TTLL11: variants seen among roughly 807,000 people sequenced by gnomAD.
TTLL11 encodes tubulin polyglutamylase TTLL11.
In TTLL11, 42 loss-of-function variants were observed where a neutral mutation model predicts 51.7. The observed-to-expected ratio is 0.81, with a 90% CI of 0.64 to 1.05. The LOEUF (loss-of-function observed/expected upper bound fraction) is 1.05, where lower values mean the gene tolerates loss of function less well. TTLL11 is among the 50% of genes least tolerant of loss of function. The probability of loss-of-function intolerance (pLI) is 0.00; values close to 1 mark genes in which losing one functional copy is unlikely to be tolerated. For synonymous variants in TTLL11, 381 were observed against 383.5 expected, an observed-to-expected ratio of 0.99 and a Z score of 0.08; for missense variants, 799 against 940.4, an observed-to-expected ratio of 0.85 and a Z score of 1.97.
At chr9:121,945,423 A>C (rs866713338) in intron 6 of TTLL11, among the ~76,000 whole-genome samples, 2 of 152,192 alleles carry the variant, frequency 1.3e-5, no homozygotes, top group Non-Finnish European at 2.9e-5. Flanking sequence ...GCTCGGAAGG[A>C]AGAGTGATTT....
chr9:122,056,122 G>A (rs1845285709), intron 1 of TTLL11, among the ~76,000 whole-genome samples: 1 of 152,164 alleles, frequency 6.6e-6, no homozygotes, highest in Admixed American at 6.5e-5. Flanking sequence ...ATGCACTGCT[G>A]CCAAAATAAC....
chr9:122,022,139 G>A (rs2131782697), intron 3 of TTLL11, among the ~76,000 whole-genome samples: 1 of 152,054 alleles, frequency 6.6e-6, no homozygotes. Flanking sequence ...TGAACTGTGG[G>A]ACAACTTCAG....
At chr9:122,090,695 C>T (rs761586983) in intron 1 of TTLL11, among the ~76,000 whole-genome samples, 7 of 152,198 alleles carry the variant, frequency 4.6e-5, no homozygotes, top group African/African-American at 7.2e-5. Context: ...CAAGTACCTG[C>T]GGGTACAGCA....
Position 121,870,556 on chromosome 9 carries a change from C to A in TTLL11, c.1674G>T (p.Arg558=), listed in dbSNP as rs1375348093. The part of the protein sequence containing the change: ...LVDRMANLFI[R]FLGIKGTMKL... ...TCATTGTCCCCTTGATGCCCAGGAA[C>A]CGGATAAACAAATTTGCCATCCTGT... is the stretch of plus-strand genomic sequence containing the variant. The change falls in exon 7 of 9, where the codon CGG becomes CGT. Residue 558 remains arginine (R), a synonymous_variant. Transcript: ENST00000321582. 18 of 1,551,674 alleles carry A rather than the reference C, an allele frequency of 1.2e-5. No homozygotes were observed. Among genetic ancestry groups the A allele is most frequent in the Non-Finnish European group, 1.6e-5 (18 of 1,146,990 alleles).
rs143607167 is a variant in TTLL11 at position 122,035,806 on chromosome 9, G to A, written c.559+3466C>T. On this transcript the variant is annotated intron_variant, in intron 2 of 8. Coordinates refer to ENST00000321582, the MANE Select transcript of TTLL11 (RefSeq NM_001139442.2). ...GCAAGCTGACCCGTGTCACTGTCTG[G>A]CTTAAAAATTCCTCAGTGGCTCCCT... Among the ~76,000 whole-genome samples, 777 of 152,250 alleles carry A rather than the reference G, an allele frequency of 5.1e-3. 8 individuals are homozygous for A. Among genetic ancestry groups the A allele is most frequent in the African/African-American group, 0.016 (676 of 41,552 alleles).
chr9:122,055,931 GGA>G (rs753263349), intron 1 of TTLL11, among the ~76,000 whole-genome samples: 6 of 152,266 alleles, frequency 3.9e-5, no homozygotes, highest in Non-Finnish European at 8.8e-5. Flanking sequence ...CGAGAAGCCA[GGA>G]GCCCAAGTTG....
At position 121,820,925 on chromosome 9, in the gene TTLL11, G is replaced by C. The variant is rs1342031046; in HGVS notation, c.*1662C>G. Among the ~76,000 whole-genome samples, 1 of 147,050 alleles carries C rather than the reference G, an allele frequency of 6.8e-6. No individual in the cohort carries two copies. The highest frequency in any genetic ancestry group is 2.5e-5 in the African/African-American group (1 of 39,626). On this transcript the variant is annotated 3_prime_UTR_variant, in exon 9 of 9. Transcript: ENST00000321582. ...GCTGGGGAAGGGCAGCGGCCTTTGG[G>C]CTCTGCTAGCAGCAGGGAAGGGGTG... is the stretch of plus-strand genomic sequence containing the variant.
intron 6 of TTLL11, among the ~76,000 whole-genome samples, chr9:121,927,001 TA>T (rs1277289904): frequency 1.3e-5 from 2 of 152,156 alleles, no homozygotes; most frequent in African/African-American, 4.8e-5. Context: ...GGGCCCCTTT[TA>T]TAAAGGCATG....
At chr9:122,030,313 G>T (rs1404997658) in intron 3 of TTLL11, among the ~76,000 whole-genome samples, 1 of 151,542 alleles carries the variant, frequency 6.6e-6, no homozygotes, top group South Asian at 2.1e-4. Context: ...TTAATAGTTC[G>T]ATGAATTTTA....
At chr9:121,907,008 C>A (rs1180315362) in intron 6 of TTLL11, among the ~76,000 whole-genome samples, 1 of 152,166 alleles carries the variant, frequency 6.6e-6, no homozygotes, top group Non-Finnish European at 1.5e-5. Flanking sequence ...ATTTACTTTA[C>A]TCAATAAATA....
At chr9:122,039,224 G>T (rs1183362513) in intron 2 of TTLL11, 48 bp downstream of exon 2, 2 of 1,486,166 alleles carry the variant, frequency 1.3e-6, no homozygotes, top group African/African-American at 1.4e-5. Context: ...GTGTATCTGA[G>T]ACTTGGCCCT....
At chr9:121,893,929 T>C (rs1839353767) in intron 6 of TTLL11, among the ~76,000 whole-genome samples, 1 of 152,158 alleles carries the variant, frequency 6.6e-6, no homozygotes, top group Non-Finnish European at 1.5e-5. Context: ...GTAAGTATCA[T>C]CTGAAGAGCA....
chr9:121,967,688 T>C (rs541190477), intron 6 of TTLL11, among the ~76,000 whole-genome samples: 1 of 152,270 alleles, frequency 6.6e-6, no homozygotes, highest in African/African-American at 2.4e-5. Context: ...AATGCCAACA[T>C]ATGAAATAGA....
At chr9:121,908,307 G>T (rs1840009957) in intron 6 of TTLL11, among the ~76,000 whole-genome samples, 1 of 152,184 alleles carries the variant, frequency 6.6e-6, no homozygotes, top group Non-Finnish European at 1.5e-5. Context: ...CATGACCCCA[G>T]TTTCCTCCCA....
chr9:121,936,488 C>G (rs1377751780), intron 6 of TTLL11, among the ~76,000 whole-genome samples: 2 of 152,100 alleles, frequency 1.3e-5, no homozygotes, highest in African/African-American at 4.8e-5. Context: ...GACTTCACTC[C>G]TTTTCTGCCC....
intron 6 of TTLL11, among the ~76,000 whole-genome samples, chr9:121,946,980 T>C (rs768115446): frequency 2.6e-4 from 40 of 152,238 alleles, no homozygotes; most frequent in Non-Finnish European, 5.3e-4. Flanking sequence ...GTCCTCACTA[T>C]CCCTCATGGT....
intron 6 of TTLL11, among the ~76,000 whole-genome samples, chr9:121,911,982 G>T (rs909899818): frequency 1.5e-4 from 23 of 152,258 alleles, no homozygotes; most frequent in African/African-American, 5.5e-4. Context: ...CAGCATACAG[G>T]TGATCACCCC....
chr9:121,828,224 G>A (rs1308030651), intron 8 of TTLL11, among the ~76,000 whole-genome samples: 1 of 150,782 alleles, frequency 6.6e-6, no homozygotes, highest in Non-Finnish European at 1.5e-5. Context: ...CCAGGCTAGA[G>A]GACAGTGGTG....
At chr9:121,863,111 C>T (rs971281569) in intron 7 of TTLL11, among the ~76,000 whole-genome samples, 1 of 152,174 alleles carries the variant, frequency 6.6e-6, no homozygotes, top group Non-Finnish European at 1.5e-5. Flanking sequence ...CTCCTGGGCT[C>T]CTGCTCCGTA....
Sources: allele counts gnomAD v4.1 joint callset (sites outside exome capture counted in the v4.1 genomes callset), GRCh38; gene constraint gnomAD v4.1.1; transcripts MANE v1.5; gene names NCBI Gene and HGNC (gene_info 2026-07-23, HGNC 2026-07-21).